The following NAALADL2 variants were observed in gnomAD, a reference collection of about 807,000 sequenced individuals.
NAALADL2 encodes the protein N-acetylated alpha-linked acidic dipeptidase like 2.
NAALADL2 carries 76 observed loss-of-function variants against 87.2 expected under a neutral mutation model. That is an observed-to-expected ratio of 0.87 (90% CI 0.72 to 1.05). NAALADL2 has a LOEUF of 1.05. NAALADL2 is among the 50% of genes least tolerant of loss of function. The pLI, the probability that NAALADL2 is intolerant of heterozygous loss-of-function variation, is 0.00. For synonymous variants in NAALADL2, 354 were observed against 331.0 expected (o/e 1.07, Z -0.75); for missense variants, 1,089 against 945.8 (o/e 1.15, Z -1.99).
At chr3:175,698,717 T>TA (rs1738550017) in intron 11 of NAALADL2, among the ~76,000 whole-genome samples, 1 of 151,654 alleles carries the variant, frequency 6.6e-6, no homozygotes, top group South Asian at 2.1e-4. Flanking sequence ...TTATTTAAGT[T>TA]AAAGACATTA....
intron 3 of NAALADL2, among the ~76,000 whole-genome samples, chr3:174,849,193 G>A (rs1484601464): frequency 6.6e-6 from 1 of 152,112 alleles, no homozygotes; most frequent in Non-Finnish European, 1.5e-5. Flanking sequence ...TATAAACACT[G>A]TAAACTTAAG....
At chr3:175,273,406 AT>A (rs1471924558) in intron 4 of NAALADL2, among the ~76,000 whole-genome samples, 2 of 152,134 alleles carry the variant, frequency 1.3e-5, no homozygotes, top group African/African-American at 2.4e-5. Context: ...AAAGTGTTCT[AT>A]TATAATGAAA....
chr3:174,579,762 A>T (rs1715951242), intron 2 of NAALADL2, among the ~76,000 whole-genome samples: 1 of 152,084 alleles, frequency 6.6e-6, no homozygotes, highest in African/African-American at 2.4e-5. Flanking sequence ...TAGATATGGC[A>T]TTAAAATGTG....
chr3:175,016,704 A>G (rs1349863010), intron 1 of NAALADL2, among the ~76,000 whole-genome samples: 1 of 152,000 alleles, frequency 6.6e-6, no homozygotes, highest in Non-Finnish European at 1.5e-5. Flanking sequence ...TAGAAAAGGA[A>G]AATAGCTATT....
At chr3:174,923,347 G>A (rs1735515116) in intron 1 of NAALADL2, among the ~76,000 whole-genome samples, 1 of 151,862 alleles carries the variant, frequency 6.6e-6, no homozygotes, top group Non-Finnish European at 1.5e-5. Context: ...AGTACATAGT[G>A]CAATAAATAA....
chr3:175,240,192 T>C (rs1746593213), intron 3 of NAALADL2, among the ~76,000 whole-genome samples: 1 of 152,172 alleles, frequency 6.6e-6, no homozygotes, highest in African/African-American at 2.4e-5. Context: ...AAATTACAAA[T>C]GAAATGTTTT....
At chr3:175,314,692 A>ATATATATAGTTCTAAC (rs1553857571) in intron 4 of NAALADL2, among the ~76,000 whole-genome samples, 18 of 68,326 alleles carry the variant, frequency 2.6e-4, no homozygotes, top group Non-Finnish European at 3.4e-4. Flanking sequence ...ATATATATAT[A>ATATATATAGTTCTAAC]TATATATATA....
At chr3:174,576,060 G>T (rs1261098257) in intron 2 of NAALADL2, among the ~76,000 whole-genome samples, 4 of 151,844 alleles carry the variant, frequency 2.6e-5, no homozygotes, top group Admixed American at 1.3e-4. Flanking sequence ...ACAGGGCTTT[G>T]CCATGTTGGT....
intron 5 of NAALADL2, among the ~76,000 whole-genome samples, chr3:175,421,886 A>G (rs1042829877): frequency 3.9e-5 from 6 of 152,130 alleles, no homozygotes; most frequent in African/African-American, 1.4e-4. Context: ...TGATCCACAG[A>G]CATTTGAAGC....
intron 10 of NAALADL2, among the ~76,000 whole-genome samples, chr3:175,601,408 T>C (rs1215263617): frequency 2.0e-5 from 3 of 152,206 alleles, no homozygotes; most frequent in African/African-American, 7.2e-5. Context: ...TTTTTAGCTC[T>C]ATGATGTTGG....
chr3:175,026,694 A>G (rs749692316), intron 1 of NAALADL2, among the ~76,000 whole-genome samples: 2 of 151,876 alleles, frequency 1.3e-5, no homozygotes, highest in Non-Finnish European at 2.9e-5. Context: ...GTGGGAAGCA[A>G]TATCTTCCTG....
intron 1 of NAALADL2, among the ~76,000 whole-genome samples, chr3:175,066,732 C>G (rs534450884): frequency 6.6e-6 from 1 of 152,224 alleles, no homozygotes; most frequent in African/African-American, 2.4e-5. Context: ...CTAGATTATC[C>G]TTGATCCTTG....
rs533277620 is a variant in NAALADL2, at chr3:175,163,103, C to G, written c.545+65812C>G. ...AAGTGTCTTAGTGAGTTAGTCTGTACTTAGTTCAAAGAGGCAAGCAAAAAT... is the reference window on the plus strand; with the variant it reads ...AAGTGTCTTAGTGAGTTAGTCTGTAGTTAGTTCAAAGAGGCAAGCAAAAAT... On this transcript the variant is annotated intron_variant, in intron 2 of 13. Transcript: ENST00000454872. Among the ~76,000 whole-genome samples, 10 of 152,100 alleles carry G rather than the reference C, an allele frequency of 6.6e-5. No individual in the cohort carries two copies. In the South Asian group the frequency reaches 1.9e-3, roughly 28 times the overall value.
chr3:174,539,574 T>C (rs1387832609), intron 1 of NAALADL2, among the ~76,000 whole-genome samples: 1 of 152,166 alleles, frequency 6.6e-6, no homozygotes, highest in Non-Finnish European at 1.5e-5. Context: ...ATGTGCTATC[T>C]TATGGTCACC....
intron 1 of NAALADL2, among the ~76,000 whole-genome samples, chr3:175,045,399 T>C (rs890659622): frequency 2.6e-5 from 4 of 152,178 alleles, no homozygotes; most frequent in African/African-American, 7.2e-5. Flanking sequence ...TGTTTATAAT[T>C]TTTCTGTTAT....
intron 1 of NAALADL2, among the ~76,000 whole-genome samples, chr3:174,492,394 C>G (rs1377710751): frequency 6.6e-6 from 1 of 152,116 alleles, no homozygotes; most frequent in Non-Finnish European, 1.5e-5. Context: ...TAAATTAACA[C>G]ATAAATCCTA....
At chr3:175,690,511 T>A (rs530046984) in intron 11 of NAALADL2, among the ~76,000 whole-genome samples, 1 of 152,212 alleles carries the variant, frequency 6.6e-6, no homozygotes, top group East Asian at 1.9e-4. Flanking sequence ...TCATTCAGAT[T>A]ACTTTGTTTC....
intron 2 of NAALADL2, among the ~76,000 whole-genome samples, chr3:175,184,580 A>G (rs1055086971): frequency 6.6e-6 from 1 of 152,044 alleles, no homozygotes; most frequent in South Asian, 2.1e-4. Flanking sequence ...AGTCCCATAT[A>G]TGTACAACTG....
intron 1 of NAALADL2, among the ~76,000 whole-genome samples, chr3:175,083,162 A>G (rs1284817497): frequency 6.6e-6 from 1 of 152,194 alleles, no homozygotes; most frequent in Non-Finnish European, 1.5e-5. Flanking sequence ...ACCACCCTCC[A>G]GAGGCTGCTT....
Sources: gnomAD v4.1 joint callset for allele counts (sites outside exome capture counted in the v4.1 genomes callset) on GRCh38, gnomAD v4.1.1 for gene constraint, MANE v1.5 for transcripts, NCBI Gene and HGNC (gene_info 2026-07-23, HGNC 2026-07-21) for gene names.